Variants in NFIC observed in about 807,000 individuals in gnomAD.
NFIC encodes the protein nuclear factor I C, also known as nuclear factor 1 C-type.
A neutral mutation model predicts 54.4 loss-of-function variants in NFIC; 12 were observed. The observed-to-expected ratio is 0.22, with a 90% CI of 0.14 to 0.36. The LOEUF (loss-of-function observed/expected upper bound fraction) is 0.36, where lower values mean the gene tolerates loss of function less well. Among genes scored for constraint, NFIC ranks in the 10% least tolerant of loss-of-function variants. The pLI is 1.00. For synonymous variants in NFIC, 322 were observed against 319.2 expected, an observed-to-expected ratio of 1.01 and a Z score of -0.09; for missense variants, 575 against 718.2, an observed-to-expected ratio of 0.80 and a Z score of 2.28.
At position 3,452,096 on chromosome 19, in the gene NFIC, TG is replaced by T. The variant is rs567089856; in HGVS notation, c.1085-385del. Among the ~76,000 whole-genome samples the T allele has an allele frequency of 0.029, 3,891 of 132,120 alleles. 67 individuals are homozygous for T. Among genetic ancestry groups the T allele is most frequent in the Middle Eastern group, 0.054 (14 of 260 alleles). 86.7% of individuals were successfully genotyped at this position (132,120 alleles called of 152,430 possible). ...ACCACTGCACTCCAGCCTGGGTGAC[TG>T]TCTCAAAAAAAAAAAAAAAAAAAAA... On this transcript the variant is annotated intron_variant, in intron 7 of 10. Coordinates refer to ENST00000443272, the MANE Select transcript of NFIC (RefSeq NM_001245002.2). The surrounding 1 kb of genome is among the most constrained non-coding windows in gnomAD (Gnocchi z 5.3).
intron 2 of NFIC, among the ~76,000 whole-genome samples, chr19:3,392,292 G>A (rs946242322): frequency 2.6e-5 from 4 of 152,140 alleles, no homozygotes; most frequent in Non-Finnish European, 4.4e-5. Context: ...GGCTGGTCTC[G>A]AACTTCTGAC....
intron 2 of NFIC, chr19:3,410,991 T>C (rs562937301): frequency 2.2e-5 from 3 of 138,254 alleles, no homozygotes; most frequent in African/African-American, 8.1e-5. Flanking sequence ...TTGCCACCTC[T>C]TCTTTAAAAA....
intron 2 of NFIC, among the ~76,000 whole-genome samples, chr19:3,416,441 C>T (rs549183643): frequency 2.7e-5 from 4 of 150,180 alleles, no homozygotes; most frequent in Middle Eastern, 3.5e-3. Flanking sequence ...AATATACTTA[C>T]GCCATTAAAT....
chr19:3,366,260 A>G (rs550996164), upstream of NFIC, among the ~76,000 whole-genome samples: 70 of 136,414 alleles, frequency 5.1e-4, no homozygotes, highest in African/African-American at 1.8e-3. Flanking sequence ...GGGTCCTGAG[A>G]CGTCGGGGGA....
At chr19:3,373,526 T>C (rs2081056931) in intron 1 of NFIC, among the ~76,000 whole-genome samples, 1 of 151,738 alleles carries the variant, frequency 6.6e-6, no homozygotes, top group African/African-American at 2.4e-5. Context: ...GGCCTTTGCA[T>C]GACCCATTTC....
In NFIC at chr19:3,467,161, T is replaced by C. The variant is rs1599743491; in HGVS notation, c.*4392T>C. Reference sequence around the variant, plus strand: ...CTTCTCAAATCTTGTTCCACCCCCCTCTGGAAGCCCCCATCACCCACCCCT... The same window carrying C: ...CTTCTCAAATCTTGTTCCACCCCCCCCTGGAAGCCCCCATCACCCACCCCT... On this transcript the variant is annotated 3_prime_UTR_variant, in exon 11 of 11. Coordinates refer to ENST00000443272, the MANE Select transcript of NFIC (RefSeq NM_001245002.2). 4.1e-5 allele frequency: 5 copies of C among 121,852 alleles called. No individual in the cohort carries two copies. The highest frequency in any genetic ancestry group is 6.9e-5 in the African/African-American group (2 of 29,038). The allele number at this position is 121,852 out of a possible 1,614,324, so 7.5% of individuals were successfully genotyped here.
At chr19:3,438,518 A>G (rs1388939109) in intron 6 of NFIC, among the ~76,000 whole-genome samples, 1 of 150,048 alleles carries the variant, frequency 6.7e-6, no homozygotes, top group Non-Finnish European at 1.5e-5. Context: ...GCTCACTGCA[A>G]GCTCCGCTTC....
At position 3,381,714 on chromosome 19, in the gene NFIC, T is replaced by C; in HGVS notation, c.33T>C (p.Asp11=). 6.2e-7 allele frequency: 1 copy of C among 1,613,274 alleles called. No individual in the cohort carries two copies. The highest frequency in any genetic ancestry group is 1.1e-5 in the South Asian group (1 of 91,078). MYSSPLCLTQ[D]EFHPFIEALL... ...CCTCTCGCCTCTCCGGCCTGCAGGA[T>C]GAGTTCCACCCGTTCATCGAGGCCC... The change falls in exon 2 of 11, where the codon GAT becomes GAC. Residue 11 remains aspartate, a splice_region_variant and synonymous_variant. Transcript: ENST00000443272.
At chr19:3,436,973 A>G (rs1429663731) in intron 6 of NFIC, among the ~76,000 whole-genome samples, 2 of 151,990 alleles carry the variant, frequency 1.3e-5, no homozygotes, top group Non-Finnish European at 2.9e-5. Flanking sequence ...GTTCTTTGGG[A>G]GCTACAGGAG....
intron 2 of NFIC, among the ~76,000 whole-genome samples, chr19:3,385,987 G>A (rs1017247637): frequency 4.0e-5 from 6 of 151,880 alleles, no homozygotes; most frequent in Non-Finnish European, 7.4e-5. Context: ...GATTACAGGC[G>A]TGACCCCCTG....
chr19:3,374,217 T>A (rs944501379), intron 1 of NFIC, among the ~76,000 whole-genome samples: 2 of 152,154 alleles, frequency 1.3e-5, no homozygotes, highest in African/African-American at 4.8e-5. Context: ...AGTGAGGGCA[T>A]CACCCAGTGC....
intron 1 of NFIC, among the ~76,000 whole-genome samples, chr19:3,361,191 C>A (rs1372035287): frequency 6.6e-6 from 1 of 152,208 alleles, no homozygotes; most frequent in African/African-American, 2.4e-5. Flanking sequence ...ACTCGGCACG[C>A]AGACGTCGCT....
chr19:3,463,888 T>C lies in NFIC; in HGVS notation c.*1119T>C, dbSNP rs1349432510. ...CCCTTTGTCCAGCTGGGACACGGAA[T>C]GGCCGCGGGCCTCCTCCCCCTCCCC... On this transcript the variant is annotated 3_prime_UTR_variant, in exon 11 of 11. Transcript: ENST00000443272. The C allele has an allele frequency of 2.2e-6, 2 of 899,594 alleles. No homozygotes were observed. Among genetic ancestry groups the C allele is most frequent in the Non-Finnish European group, 2.6e-6 (2 of 771,914 alleles). 55.7% of individuals were successfully genotyped at this position (899,594 alleles called of 1,614,324 possible).
intron 2 of NFIC, among the ~76,000 whole-genome samples, chr19:3,418,103 T>C (rs1317371528): frequency 1.3e-5 from 2 of 149,340 alleles, no homozygotes; most frequent in African/African-American, 2.5e-5. Flanking sequence ...TCTTTTCTTT[T>C]TTTTTTTTTT....
chr19:3,367,722 G>C (rs1252369554), intron 1 of NFIC, among the ~76,000 whole-genome samples: 1 of 152,216 alleles, frequency 6.6e-6, no homozygotes, highest in East Asian at 1.9e-4. Flanking sequence ...TTCCCCTGAA[G>C]TGAGGTGCGG....
chr19:3,390,200 G>A (rs1257851315), intron 2 of NFIC, among the ~76,000 whole-genome samples: 2 of 152,238 alleles, frequency 1.3e-5, no homozygotes, highest in East Asian at 1.9e-4. Context: ...GCAGAGGGGT[G>A]AGGGGTTCCT....
chr19:3,425,006 C>T lies in NFIC; in HGVS notation c.563-100C>T, dbSNP rs74978308. ...GGGGCCACTGTTTGTCTCCATAGCA[C>T]TGGCCCAGCCCAGGACTGGGGCCAC... On this transcript the variant is annotated intron_variant, in intron 2 of 10. Coordinates refer to ENST00000443272, the MANE Select transcript of NFIC (RefSeq NM_001245002.2). The T allele has an allele frequency of 4.7e-6, 6 of 1,269,868 alleles. No individual in the cohort carries two copies. The Admixed American group carries it at 1.2e-4, about 26-fold the overall frequency. The allele number at this position is 1,269,868 out of a possible 1,614,324, so 78.7% of individuals were successfully genotyped here.
intron 1 of NFIC, among the ~76,000 whole-genome samples, chr19:3,372,799 C>T (rs1336865857): frequency 1.3e-5 from 2 of 151,482 alleles, no homozygotes; most frequent in African/African-American, 2.4e-5. Context: ...ATGCCTCAGT[C>T]TCCTCCTCGA....
upstream of NFIC, among the ~76,000 whole-genome samples, chr19:3,364,967 G>A (rs2080862632): frequency 6.6e-6 from 1 of 152,176 alleles, no homozygotes; most frequent in South Asian, 2.1e-4. Context: ...GCTGCACAGT[G>A]GGTTTAAAAT....
Sources: allele counts gnomAD v4.1 joint callset (sites outside exome capture counted in the v4.1 genomes callset), GRCh38; gene constraint gnomAD v4.1.1; non-coding constraint Gnocchi (gnomAD v3.1); transcripts MANE v1.5; gene names NCBI Gene and HGNC (gene_info 2026-07-23, HGNC 2026-07-21).